Variants in GRM8 observed in about 807,000 individuals in gnomAD.
GRM8 encodes glutamate metabotropic receptor 8.
In GRM8, 47 loss-of-function variants were observed where a neutral mutation model predicts 87.2. The observed-to-expected ratio is 0.54, with a 90% CI of 0.43 to 0.69. The LOEUF (loss-of-function observed/expected upper bound fraction) is 0.69. Ranked by LOEUF, GRM8 falls within the 30% of genes least tolerant of loss-of-function variation. The pLI is 0.00. For synonymous variants in GRM8, 396 were observed against 404.5 expected (o/e 0.98, Z 0.25); for missense variants, 1,019 against 1,139.2 (o/e 0.89, Z 1.52).
chr7:127,140,318 A>G (rs1828192305), intron 2 of GRM8, among the ~76,000 whole-genome samples: 2 of 152,102 alleles, frequency 1.3e-5, no homozygotes, highest in Admixed American at 6.5e-5. Context: ...CACACTTGTG[A>G]CAACCAAAAA....
At chr7:126,663,243 C>T (rs777814567) in intron 7 of GRM8, among the ~76,000 whole-genome samples, 10 of 152,230 alleles carry the variant, frequency 6.6e-5, no homozygotes, top group East Asian at 1.9e-4. Flanking sequence ...ATCCTACTGA[C>T]GCTATTCCAA....
rs150178962 is a variant in GRM8, at chr7:126,627,384, G to T, written c.1358-17886C>A. Reference sequence around the variant, plus strand: ...CCTACAGCAGTAAATTATCCAAAATGTCAGTAGTTTCATGTTTCAGAAACC... The same window carrying T: ...CCTACAGCAGTAAATTATCCAAAATTTCAGTAGTTTCATGTTTCAGAAACC... On this transcript the variant is annotated intron_variant, in intron 7 of 10. Coordinates refer to ENST00000339582, the MANE Select transcript of GRM8 (RefSeq NM_000845.3). Among the ~76,000 whole-genome samples, 21 of 152,332 alleles carry T rather than the reference G, an allele frequency of 1.4e-4. No individual in the cohort carries two copies. The East Asian group carries it at 4.0e-3, about 29-fold the overall frequency.
chr7:126,603,730 T>C (rs1585192382), intron 8 of GRM8, among the ~76,000 whole-genome samples: 1 of 152,178 alleles, frequency 6.6e-6, no homozygotes, highest in East Asian at 1.9e-4. Flanking sequence ...TGTGTGTACA[T>C]ATATATATGT....
In GRM8 at chr7:126,958,323, C is replaced by T. The variant is rs547694775; in HGVS notation, c.728-53640G>A. Among the ~76,000 whole-genome samples, 29 of 152,272 alleles carry T rather than the reference C, an allele frequency of 1.9e-4. No individual in the cohort carries two copies. In the East Asian group the frequency reaches 5.2e-3, roughly 27 times the overall value. On this transcript the variant is annotated intron_variant, in intron 3 of 10. Coordinates refer to ENST00000339582, the MANE Select transcript of GRM8 (RefSeq NM_000845.3). ...GGCGGTGAGAAGAGCTGCAGCCCTT[C>T]GGGGAGCCCAGACCTAGGGGCTCCC...
At chr7:126,800,464 C>T (rs1298247786) in intron 6 of GRM8, among the ~76,000 whole-genome samples, 1 of 152,090 alleles carries the variant, frequency 6.6e-6, no homozygotes, top group Non-Finnish European at 1.5e-5. Flanking sequence ...AATAGTGATT[C>T]TTCTTATATT....
At chr7:126,837,737 A>G (rs1361046694) in intron 6 of GRM8, among the ~76,000 whole-genome samples, 1 of 152,202 alleles carries the variant, frequency 6.6e-6, no homozygotes, top group African/African-American at 2.4e-5. Context: ...GTGATGCTAA[A>G]AGAATTTACT....
Position 126,786,504 on chromosome 7 carries a change from G to A in GRM8, c.1157-16439C>T, listed in dbSNP as rs577019304. On this transcript the variant is annotated intron_variant, in intron 6 of 10. Coordinates refer to ENST00000339582, the MANE Select transcript of GRM8 (RefSeq NM_000845.3). Reference sequence around the variant, plus strand: ...TTTCATTCATCATTTTATTTCCAGTGCACATGGTAACATCTCAAAAAATGT... The same window carrying A: ...TTTCATTCATCATTTTATTTCCAGTACACATGGTAACATCTCAAAAAATGT... Among the ~76,000 whole-genome samples, 3 of 152,206 alleles carry A rather than the reference G, an allele frequency of 2.0e-5. No homozygotes were observed. The South Asian group carries it at 6.2e-4, about 32-fold the overall frequency.
chr7:126,997,427 A>C (rs1385715055), intron 3 of GRM8, among the ~76,000 whole-genome samples: 4 of 151,820 alleles, frequency 2.6e-5, no homozygotes, highest in Non-Finnish European at 4.4e-5. Flanking sequence ...AGAAGAAAAA[A>C]ATAAACATCA....
At chr7:126,620,954 C>T (rs1451485642) in intron 7 of GRM8, among the ~76,000 whole-genome samples, 3 of 152,042 alleles carry the variant, frequency 2.0e-5, no homozygotes, top group Non-Finnish European at 2.9e-5. Flanking sequence ...ACCTTATTTT[C>T]CTGATCATCA....
chr7:127,228,854 A>G (rs1687295895), intron 2 of GRM8: 1 of 152,218 alleles, frequency 6.6e-6, no homozygotes, highest in Non-Finnish European at 1.5e-5. Context: ...CTAGATGGGC[A>G]TAGATTCTTT....
At chr7:127,232,141 T>A (rs946333085) in intron 2 of GRM8, among the ~76,000 whole-genome samples, 1 of 151,816 alleles carries the variant, frequency 6.6e-6, no homozygotes, top group East Asian at 1.9e-4. Context: ...GCTTGCCCTA[T>A]GCCAGAGCCA....
intron 2 of GRM8, among the ~76,000 whole-genome samples, chr7:127,148,844 T>C (rs1828692489): frequency 6.6e-6 from 1 of 152,068 alleles, no homozygotes; most frequent in African/African-American, 2.4e-5. Context: ...TGGAGAAAGG[T>C]GAGTCTTCAA....
At chr7:126,817,908 A>T (rs979998817) in intron 6 of GRM8, among the ~76,000 whole-genome samples, 17 of 152,180 alleles carry the variant, frequency 1.1e-4, no homozygotes, top group Admixed American at 1.0e-3. Flanking sequence ...CTCTGGACAC[A>T]CTTTATTTTC....
intron 6 of GRM8, among the ~76,000 whole-genome samples, chr7:126,771,157 A>C (rs554206897): frequency 2.6e-4 from 40 of 152,262 alleles, no homozygotes; most frequent in African/African-American, 8.2e-4. Context: ...TAAATTCAAC[A>C]AATATTTGTT....
At chr7:126,487,441 T>C (rs1807506086) in intron 9 of GRM8, among the ~76,000 whole-genome samples, 1 of 151,984 alleles carries the variant, frequency 6.6e-6, no homozygotes, top group Non-Finnish European at 1.5e-5. Flanking sequence ...AAGTAATATT[T>C]TAATAACTTT....
intron 7 of GRM8, among the ~76,000 whole-genome samples, chr7:126,641,359 C>A (rs899461819): frequency 2.0e-5 from 3 of 151,974 alleles, no homozygotes; most frequent in Non-Finnish European, 4.4e-5. Flanking sequence ...ACTTTTAGTC[C>A]AATAAAAAGA....
At chr7:126,782,160 C>T (rs1291651877) in intron 6 of GRM8, among the ~76,000 whole-genome samples, 1 of 152,082 alleles carries the variant, frequency 6.6e-6, no homozygotes, top group African/African-American at 2.4e-5. Flanking sequence ...TTTCTTGAGT[C>T]TTTATTTCAG....
intron 7 of GRM8, among the ~76,000 whole-genome samples, chr7:126,765,914 T>TA (rs1461966683): frequency 1.3e-5 from 2 of 152,092 alleles, no homozygotes; most frequent in Non-Finnish European, 2.9e-5. Flanking sequence ...TCAGTGATTT[T>TA]AAAAAATCAG....
intron 9 of GRM8, among the ~76,000 whole-genome samples, chr7:126,464,230 T>C (rs141866270): frequency 1.3e-5 from 2 of 151,820 alleles, no homozygotes; most frequent in East Asian, 3.9e-4. Context: ...TTTATAGTTT[T>C]TGTCTTGAAA....
Sources: allele counts gnomAD v4.1 joint callset (sites outside exome capture counted in the v4.1 genomes callset), GRCh38; gene constraint gnomAD v4.1.1; transcripts MANE v1.5; gene names NCBI Gene and HGNC (gene_info 2026-07-23, HGNC 2026-07-21).